The following ANAPC1 variants were observed in gnomAD, a reference collection of about 807,000 sequenced individuals.
ANAPC1 encodes anaphase promoting complex subunit 1.
In ANAPC1, 36 loss-of-function variants were observed where a neutral mutation model predicts 208.0. The ratio of observed to expected loss-of-function variants is 0.17; its 90% confidence interval spans 0.13 to 0.23. The LOEUF (loss-of-function observed/expected upper bound fraction) is 0.23, where lower values mean the gene tolerates loss of function less well. ANAPC1 is among the 10% of genes least tolerant of loss of function. The probability of loss-of-function intolerance (pLI) is 1.00; values close to 1 mark genes in which losing one functional copy is unlikely to be tolerated. For synonymous variants in ANAPC1, 378 were observed against 695.2 expected (o/e 0.54, Z 7.18); for missense variants, 942 against 2,011.6 (o/e 0.47, Z 10.17).
At chr2:111,789,420 G>A (rs1246013921) in intron 38 of ANAPC1, among the ~76,000 whole-genome samples, 7 of 146,318 alleles carry the variant, frequency 4.8e-5, no homozygotes, top group Non-Finnish European at 9.0e-5. Flanking sequence ...AAACTATTGA[G>A]TATAAATACT....
intron 1 of ANAPC1, among the ~76,000 whole-genome samples, chr2:111,882,212 C>A (rs570601563): frequency 6.6e-6 from 1 of 150,838 alleles, no homozygotes; most frequent in South Asian, 2.1e-4. Flanking sequence ...AAAAAAAAAA[C>A]CTCTAGACCT....
chr2:111,869,883 G>A (rs1320445732), intron 6 of ANAPC1, among the ~76,000 whole-genome samples: 3 of 152,032 alleles, frequency 2.0e-5, no homozygotes, highest in Admixed American at 6.6e-5. Flanking sequence ...TCCTCCTTCT[G>A]AGTCTCCAAA....
intron 34 of ANAPC1, among the ~76,000 whole-genome samples, chr2:111,799,192 T>C (rs1393116593): frequency 6.6e-6 from 1 of 152,104 alleles, no homozygotes; most frequent in Non-Finnish European, 1.5e-5. Flanking sequence ...AATAAACCAA[T>C]GAAAAAGTTC....
intron 21 of ANAPC1, among the ~76,000 whole-genome samples, chr2:111,826,292 T>C (rs571978181): frequency 1.0e-3 from 157 of 152,350 alleles, no homozygotes; most frequent in South Asian, 1.9e-3. Context: ...ACATAACCAC[T>C]ACCACACTCA....
At chr2:111,792,022 A>C (rs1320092300) in intron 38 of ANAPC1, among the ~76,000 whole-genome samples, 2 of 151,954 alleles carry the variant, frequency 1.3e-5, no homozygotes, top group East Asian at 3.9e-4. Context: ...AGGATCTGGT[A>C]AACGATTTTG....
At chr2:111,832,957 G>C (rs1483856606) in intron 20 of ANAPC1, among the ~76,000 whole-genome samples, 2 of 52,410 alleles carry the variant, frequency 3.8e-5, no homozygotes, top group African/African-American at 5.7e-5. Flanking sequence ...AAAAAAAAAA[G>C]CATCCTTGAC....
intron 2 of ANAPC1, among the ~76,000 whole-genome samples, chr2:111,879,819 C>A (rs1340240344): frequency 6.6e-6 from 1 of 151,858 alleles, no homozygotes; most frequent in Non-Finnish European, 1.5e-5. Flanking sequence ...TTGCGGTGAG[C>A]TGAGATTGTG....
chr2:111,837,539 CAA>C (rs1680533157), intron 18 of ANAPC1, among the ~76,000 whole-genome samples: 4 of 151,574 alleles, frequency 2.6e-5, no homozygotes, highest in African/African-American at 9.7e-5. Context: ...AGAATAGCTT[CAA>C]CCCAGGAGGT....
At chr2:111,789,812 G>T (rs570882021) in intron 38 of ANAPC1, among the ~76,000 whole-genome samples, 36 of 152,360 alleles carry the variant, frequency 2.4e-4, no homozygotes, top group Middle Eastern at 3.4e-3. Flanking sequence ...AATTCGATAC[G>T]AAAGAAGAGC....
At chr2:111,788,737 A>C (rs1337185909) in intron 38 of ANAPC1, among the ~76,000 whole-genome samples, 1 of 151,006 alleles carries the variant, frequency 6.6e-6, no homozygotes. Flanking sequence ...GAGTTTTAAA[A>C]ATACAGAATG....
At chr2:111,876,751 G>C (rs947263583) in intron 3 of ANAPC1, among the ~76,000 whole-genome samples, 2 of 152,300 alleles carry the variant, frequency 1.3e-5, no homozygotes, top group Non-Finnish European at 2.9e-5. Flanking sequence ...TACTCATCAG[G>C]AAATAGTTAA....
intron 10 of ANAPC1, among the ~76,000 whole-genome samples, chr2:111,861,877 A>T (rs1328972252): frequency 8.0e-6 from 1 of 124,294 alleles, no homozygotes; most frequent in African/African-American, 2.7e-5. Flanking sequence ...ACTATAAAGG[A>T]AGAAATATCA....
chr2:111,815,129 A>C (rs1224182287), intron 28 of ANAPC1, among the ~76,000 whole-genome samples: 1 of 131,088 alleles, frequency 7.6e-6, no homozygotes, highest in African/African-American at 3.0e-5. Flanking sequence ...ATTAAATTCT[A>C]CTCTGCCTTA....
At position 111,775,509 on chromosome 2, in the gene ANAPC1, A is replaced by G. The variant is rs1165415799; in HGVS notation, c.5584+1350T>C. Among the ~76,000 whole-genome samples, 4 of 152,398 alleles carry G rather than the reference A, an allele frequency of 2.6e-5. No homozygotes were observed. The East Asian group carries it at 7.7e-4, about 29-fold the overall frequency. ...TGTAAGAGAGGAGACTATATATTTA[A>G]GAGGTTTTGTTTTAAAAAAAATTCT... On this transcript the variant is annotated intron_variant, in intron 46 of 47. Coordinates refer to ENST00000341068, the MANE Select transcript of ANAPC1 (RefSeq NM_022662.4).
rs576922362 is a variant in ANAPC1 at position 111,792,564 on chromosome 2, T to G, written c.4519-9A>C. 43 of 1,609,122 alleles carry G rather than the reference T, an allele frequency of 2.7e-5. No homozygotes were observed. In the Admixed American group the frequency reaches 3.9e-4, roughly 15 times the overall value. Reference sequence around the variant, plus strand: ...AGGTTATGAGGACCTGTCTGTCAGGTGAAGAGATGACATCACTGTAACTGT... The same window carrying G: ...AGGTTATGAGGACCTGTCTGTCAGGGGAAGAGATGACATCACTGTAACTGT... On this transcript the variant is annotated splice_polypyrimidine_tract_variant and intron_variant, in intron 37 of 47. Coordinates refer to ENST00000341068, the MANE Select transcript of ANAPC1 (RefSeq NM_022662.4).
At chr2:111,846,620 A>T (rs1681101677) in intron 16 of ANAPC1, among the ~76,000 whole-genome samples, 1 of 116,402 alleles carries the variant, frequency 8.6e-6, no homozygotes, top group Non-Finnish European at 1.6e-5. Context: ...CCTAGGCTGG[A>T]GTGCAGTGGC....
chr2:111,875,936 C>G (rs1683002920), intron 3 of ANAPC1, among the ~76,000 whole-genome samples: 2 of 152,202 alleles, frequency 1.3e-5, no homozygotes, highest in South Asian at 4.2e-4. Context: ...GTCCTTTGGG[C>G]TCTCATCACT....
At chr2:111,876,865 C>A (rs1297551778) in intron 3 of ANAPC1, among the ~76,000 whole-genome samples, 2 of 151,876 alleles carry the variant, frequency 1.3e-5, no homozygotes, top group East Asian at 1.9e-4. Flanking sequence ...ACCTCGTCAA[C>A]CCTAATTCAA....
At chr2:111,770,720 T>C (rs1404028472) in intron 47 of ANAPC1, among the ~76,000 whole-genome samples, 1 of 133,462 alleles carries the variant, frequency 7.5e-6, no homozygotes, top group Non-Finnish European at 1.6e-5. Context: ...TACTGAGATC[T>C]TCATTTCAGT....
Sources: allele counts gnomAD v4.1 joint callset (sites outside exome capture counted in the v4.1 genomes callset), GRCh38; gene constraint gnomAD v4.1.1; transcripts MANE v1.5; gene names NCBI Gene and HGNC (gene_info 2026-07-23, HGNC 2026-07-21).